The following IGSF10 variants were observed in gnomAD, a reference collection of about 807,000 sequenced individuals.
IGSF10 encodes calvaria mechanical force protein 608.
IGSF10 carries 126 observed loss-of-function variants against 128.2 expected under a neutral mutation model. The ratio of observed to expected loss-of-function variants is 0.98; its 90% CI spans 0.85 to 1.14. The LOEUF (loss-of-function observed/expected upper bound fraction) is 1.14. IGSF10 is among the 50% of genes most tolerant of loss of function. IGSF10 has a pLI of 0.00. For synonymous variants in IGSF10, 1,185 were observed against 1,146.2 expected, an observed-to-expected ratio of 1.03 and a Z score of -0.68; for missense variants, 3,295 against 3,149.8, an observed-to-expected ratio of 1.05 and a Z score of -1.10.
At chr3:151,561,321 T>C in the IGSF10 span, among the ~76,000 whole-genome samples, 1 of 152,194 alleles carries the variant, frequency 6.6e-6, no homozygotes, top group African/African-American at 2.4e-5. Context: ...ATGGGTTAAA[T>C]AGTTCTCTAA....
In IGSF10 at chr3:151,440,121, C is replaced by G. The variant is rs193060316; in HGVS notation, c.5964-1524G>C. ...TCACGGCTCACTGCAGTCTCAACCT[C>G]CCAGGTTCAAGCAATCCACCAACCT... On this transcript the variant is annotated intron_variant, in intron 7 of 7. Coordinates refer to ENST00000282466, the MANE Select transcript of IGSF10 (RefSeq NM_178822.5). Among the ~76,000 whole-genome samples the G allele has an allele frequency of 1.3e-3, 198 of 152,238 alleles. 1 individual carries two copies. The highest frequency in any genetic ancestry group is 4.4e-3 in the African/African-American group (182 of 41,540).
At chr3:151,488,287 G>C in the IGSF10 span, among the ~76,000 whole-genome samples, 127,092 of 152,056 alleles carry the variant, frequency 0.84, 53,314 homozygotes, top group Middle Eastern at 0.94. Flanking sequence ...CCTCTTCAAG[G>C]AGAACTACAA....
chr3:151,593,554 T>A, the IGSF10 span, among the ~76,000 whole-genome samples: 1 of 152,082 alleles, frequency 6.6e-6, no homozygotes, highest in Non-Finnish European at 1.5e-5. Flanking sequence ...TCACCAATGG[T>A]TGTACCTATG....
chr3:151,460,897 G>A (rs1159545042), intron 1 of IGSF10, 49 bp downstream of exon 1: 2 of 981,884 alleles, frequency 2.0e-6, no homozygotes, highest in African/African-American at 1.8e-5. Context: ...AGCCCCAGCC[G>A]GCGTGGGGTT....
At chr3:151,595,118 T>A in the IGSF10 span, among the ~76,000 whole-genome samples, 1 of 152,160 alleles carries the variant, frequency 6.6e-6, no homozygotes, top group Non-Finnish European at 1.5e-5. Flanking sequence ...TGGATAACAA[T>A]TGTTGGCAAG....
chr3:151,560,370 C>A, the IGSF10 span, among the ~76,000 whole-genome samples: 1 of 152,102 alleles, frequency 6.6e-6, no homozygotes, highest in South Asian at 2.1e-4. Flanking sequence ...CCAGCAGCCC[C>A]AAACTCCTAT....
chr3:151,443,085 AT>A lies in IGSF10; in HGVS notation c.5861del (p.Asn1954IlefsTer8). 6.8e-6 allele frequency: 11 copies of A among 1,614,194 alleles called. No homozygotes were observed. Among genetic ancestry groups the A allele is most frequent in the Non-Finnish European group, 9.3e-6 (11 of 1,180,030 alleles). On this transcript the variant is annotated frameshift_variant, in exon 7 of 8. Transcript: ENST00000282466. LOFTEE classifies it high-confidence loss of function. ...AGTTCAGTAGTAATTTGTCCCCAAA[AT>A]TCACTTCAGTCCTTTTCTGGGATGC... ...EAASQKRTEVNFGDKLLLNCS... is the reference protein window; with the variant it reads ...EAASQKRTEVXFGDKLLLNCS...
chr3:151,436,626 T>TTTGA lies in IGSF10; in HGVS notation c.*59_*62dup, dbSNP rs1357935741. ...ATTCATTTACATGCCTATGGCTGCC[T>TTTGA]TTGATTAAACTTCTTCCAAAAAATA... On this transcript the variant is annotated 3_prime_UTR_variant, in exon 8 of 8. Coordinates refer to ENST00000282466, the MANE Select transcript of IGSF10 (RefSeq NM_178822.5). 1.7e-6 allele frequency: 2 copies of TTTGA among 1,202,196 alleles called. No homozygotes were observed. Among genetic ancestry groups the TTTGA allele is most frequent in the African/African-American group, 3.1e-5 (2 of 65,470 alleles). The allele number at this position is 1,202,196 out of a possible 1,614,324, so 74.5% of individuals were successfully genotyped here. A position where few individuals can be genotyped will look rare whatever the true frequency, so the allele number is the denominator to read the frequency against.
the IGSF10 span, among the ~76,000 whole-genome samples, chr3:151,561,727 A>G: frequency 5.3e-5 from 8 of 152,286 alleles, no homozygotes; most frequent in East Asian, 1.5e-3. Flanking sequence ...GTTTAAAAAT[A>G]GGAAGGGGAG....
the IGSF10 span, among the ~76,000 whole-genome samples, chr3:151,527,780 T>C: frequency 7.0e-6 from 1 of 143,300 alleles, no homozygotes; most frequent in African/African-American, 2.5e-5. Context: ...TGACACCCTG[T>C]CTCTACAATT....
In IGSF10 at chr3:151,436,727, C is replaced by G. The variant is rs780634900; in HGVS notation, c.7834G>C (p.Gly2612Arg). ...IYKCTAKNPL[G>R]SDYAATYIQV... Reference sequence around the variant, plus strand: ...ATATACGTTGCTGCATAATCACTACCAAGTGGGTTCTTTGCTGTGCATTTG... The same window carrying G: ...ATATACGTTGCTGCATAATCACTACGAAGTGGGTTCTTTGCTGTGCATTTG... The change falls in exon 8 of 8, where the codon GGT becomes CGT. Residue 2612 changes from glycine (G) to arginine (R), a missense_variant. Gly to Arg is a moderately radical substitution (Grantham distance 125). Coordinates refer to ENST00000282466, the MANE Select transcript of IGSF10 (RefSeq NM_178822.5). 6 of 1,613,584 alleles carry G rather than the reference C, an allele frequency of 3.7e-6. No individual in the cohort carries two copies. In the South Asian group the frequency reaches 6.6e-5, roughly 18 times the overall value.
At chr3:151,436,162 A>G (rs1430966412), downstream of IGSF10, 2 of 152,274 alleles carry the variant, frequency 1.3e-5, no homozygotes, top group Admixed American at 1.3e-4. Context: ...GAAAATTTTC[A>G]GTGTGAACAA....
chr3:151,546,357 T>C, the IGSF10 span, among the ~76,000 whole-genome samples: 1 of 152,024 alleles, frequency 6.6e-6, no homozygotes, highest in East Asian at 1.9e-4. Flanking sequence ...TTATGTTTAT[T>C]TACTTTTTGA....
At chr3:151,525,044 T>TA in the IGSF10 span, among the ~76,000 whole-genome samples, 10 of 89,916 alleles carry the variant, frequency 1.1e-4, 2 homozygotes, top group Admixed American at 1.3e-4. Flanking sequence ...TTTTTTTTTT[T>TA]AAAGAGAGCC....
chr3:151,539,505 A>C, the IGSF10 span, among the ~76,000 whole-genome samples: 2 of 152,182 alleles, frequency 1.3e-5, no homozygotes, highest in Non-Finnish European at 2.9e-5. Context: ...TTGGCTTAAA[A>C]TATGTTTACA....
At chr3:151,528,461 G>GATGGAA in the IGSF10 span, among the ~76,000 whole-genome samples, 4 of 152,208 alleles carry the variant, frequency 2.6e-5, no homozygotes, top group Admixed American at 2.6e-4. Flanking sequence ...CAGCAAGACT[G>GATGGAA]ATGCAGAAGG....
rs149685136 is a variant in IGSF10, at chr3:151,437,914, C to G, written c.6647G>C (p.Arg2216Pro). Residue 2216 changes from arginine to proline, a missense_variant, in exon 8 of 8, where the codon CGA (arginine) becomes CCA (proline). Coordinates refer to ENST00000282466, the MANE Select transcript of IGSF10 (RefSeq NM_178822.5). ...LDSGEYVCVA[R>P]NPSGDDTKMY... The stretch of plus-strand genomic sequence containing the variant: ...TTTGGTGTCATCCCCACTGGGATTT[C>G]GGGCTACACATACGTACTCTCCAGA... 3.1e-6 allele frequency: 5 copies of G among 1,614,060 alleles called. No individual in the cohort carries two copies. In the African/African-American group the frequency reaches 6.7e-5, roughly 22 times the overall value.
At chr3:151,467,845 C>G in the IGSF10 span, among the ~76,000 whole-genome samples, 19 of 150,198 alleles carry the variant, frequency 1.3e-4, 1 homozygote, top group African/African-American at 4.4e-4. Context: ...GATCGTGCCA[C>G]TGCATTCCAG....
chr3:151,440,963 CT>C (rs1435810408), intron 7 of IGSF10, among the ~76,000 whole-genome samples: 1 of 152,226 alleles, frequency 6.6e-6, no homozygotes, highest in Admixed American at 6.5e-5. Context: ...TAGAAACCCA[CT>C]CTTTAAAAAA....
Sources: allele counts gnomAD v4.1 joint callset (sites outside exome capture counted in the v4.1 genomes callset), GRCh38; gene constraint gnomAD v4.1.1; transcripts MANE v1.5; gene names NCBI Gene and HGNC (gene_info 2026-07-23, HGNC 2026-07-21).